TF: variants seen among roughly 807,000 people sequenced by gnomAD.
TF encodes serotransferrin.
A neutral mutation model predicts 82.4 loss-of-function variants in TF; 55 were observed. That is an observed-to-expected ratio of 0.67 (90% CI 0.54 to 0.84). TF has a LOEUF of 0.84. TF is among the 40% of genes least tolerant of loss of function. TF has a pLI of 0.00. For synonymous variants in TF, 332 were observed against 332.6 expected (o/e 1.00, Z 0.02); for missense variants, 737 against 868.4 (o/e 0.85, Z 1.90).
At chr3:133,749,330 C>G (rs532220944) in intron 2 of TF, among the ~76,000 whole-genome samples, 4 of 152,234 alleles carry the variant, frequency 2.6e-5, no homozygotes. Context: ...CAAAAATGCT[C>G]TTCATTCTTT....
intron 9 of TF, among the ~76,000 whole-genome samples, chr3:133,763,052 T>C (rs1308102100): frequency 6.6e-6 from 1 of 152,218 alleles, no homozygotes; most frequent in African/African-American, 2.4e-5. Context: ...CTCCTACAAC[T>C]ACCTTTACCT....
chr3:133,770,784 C>T, intron 14 of TF: 1 of 614,878 alleles, frequency 1.6e-6, no homozygotes, highest in South Asian at 1.9e-5. Context: ...CTAAATCCTC[C>T]CCAACACACA....
intron 12 of TF, among the ~76,000 whole-genome samples, chr3:133,767,826 A>G (rs1934162566): frequency 6.6e-6 from 1 of 152,192 alleles, no homozygotes; most frequent in Non-Finnish European, 1.5e-5. Flanking sequence ...CCTGAATTGT[A>G]ATGGTCATTA....
At chr3:133,752,775 G>A (rs1367805743) in intron 2 of TF, among the ~76,000 whole-genome samples, 1 of 152,194 alleles carries the variant, frequency 6.6e-6, no homozygotes, top group African/African-American at 2.4e-5. Flanking sequence ...TAACCTTTCT[G>A]TGCCTCATAT....
At chr3:133,756,246 C>G in intron 5 of TF, 36 bp from the exon 6 acceptor site, 1 of 1,611,028 alleles carries the variant, frequency 6.2e-7, no homozygotes, top group South Asian at 1.1e-5. Flanking sequence ...AGGGCCTGCC[C>G]TGCAGGAGCC....
At chr3:133,747,817 G>T (rs543672815) in intron 1 of TF, among the ~76,000 whole-genome samples, 24 of 152,226 alleles carry the variant, frequency 1.6e-4, no homozygotes, top group African/African-American at 5.8e-4. Flanking sequence ...TACTGGCCAA[G>T]AAGGGGTGTA....
rs1934785811 is a variant in TF at position 133,789,879 on chromosome 3, G to GGTT, written c.*11259_*11260insGTT. 1 of 88,982 alleles carries GGTT rather than the reference G, an allele frequency of 1.1e-5. No homozygotes were observed. Among genetic ancestry groups the GGTT allele is most frequent in the African/African-American group, 5.5e-5 (1 of 18,246 alleles). 5.5% of individuals were successfully genotyped at this position (88,982 alleles called of 1,614,324 possible). On this transcript the variant is annotated 3_prime_UTR_variant, in exon 17 of 17. Coordinates refer to ENST00000402696, the MANE Select transcript of TF (RefSeq NM_001063.4). ...GCCAAAACAAAACGATCTCGTTTGC[G>GGTT]TTTTTTTTTTTTTTTTTTTTTTTTT...
chr3:133,771,768 A>G (rs113144079), intron 14 of TF, among the ~76,000 whole-genome samples: 1,525 of 143,156 alleles, frequency 0.011, 46 homozygotes, highest in African/African-American at 0.037. Context: ...AAAAAAAAAG[A>G]ATCAATGGGT....
chr3:133,693,326 G>A, the TF span, among the ~76,000 whole-genome samples: 1 of 151,540 alleles, frequency 6.6e-6, no homozygotes, highest in Admixed American at 6.6e-5. Context: ...GCAAGGAAAG[G>A]GTGACTGGGC....
chr3:133,681,847 GAGT>G, the TF span, among the ~76,000 whole-genome samples: 4 of 152,312 alleles, frequency 2.6e-5, no homozygotes, highest in Non-Finnish European at 5.9e-5. Context: ...GCTTTGAAGA[GAGT>G]AGTGGTTCTC....
chr3:133,699,418 A>G, the TF span: 1 of 1,164,748 alleles, frequency 8.6e-7, no homozygotes, highest in Non-Finnish European at 1.2e-6. Flanking sequence ...CTCCTGCGTT[A>G]GGCTCACCTG....
chr3:133,721,328 T>G, the TF span, among the ~76,000 whole-genome samples: 75 of 152,342 alleles, frequency 4.9e-4, no homozygotes, highest in African/African-American at 1.7e-3. Context: ...TAAATTTTCC[T>G]TTTTAATTTC....
chr3:133,691,634 C>T, the TF span: 3 of 152,736 alleles, frequency 2.0e-5, no homozygotes, highest in African/African-American at 7.2e-5. Context: ...ATGCAAGTGT[C>T]TATTGAGCAA....
At chr3:133,703,363 G>A in the TF span, among the ~76,000 whole-genome samples, 1 of 152,106 alleles carries the variant, frequency 6.6e-6, no homozygotes. Flanking sequence ...CGTGCTTTAG[G>A]GTAGACAGAT....
Position 133,779,511 on chromosome 3 carries a change from T to G in TF, c.*891T>G, listed in dbSNP as rs1205049674. The G allele has an allele frequency of 6.6e-6, 1 of 152,346 alleles. No homozygotes were observed. Among genetic ancestry groups the G allele is most frequent in the Non-Finnish European group, 1.5e-5 (1 of 68,142 alleles). The allele number at this position is 152,346 out of a possible 1,614,324, so 9.4% of individuals were successfully genotyped here. ...TTGGAACTCTTTTCCTCAGTTTCTC[T>G]GACATGGCAGGTCTCTGCTTTGATT... On this transcript the variant is annotated 3_prime_UTR_variant, in exon 17 of 17. Coordinates refer to ENST00000402696, the MANE Select transcript of TF (RefSeq NM_001063.4).
At chr3:133,694,631 G>C in the TF span, among the ~76,000 whole-genome samples, 2 of 152,230 alleles carry the variant, frequency 1.3e-5, no homozygotes, top group East Asian at 3.9e-4. Flanking sequence ...AGGACTCTGA[G>C]ATCTACAGAC....
rs919507173 is a variant in TF, at chr3:133,788,360, G to C, written c.*9740G>C. The C allele has an allele frequency of 8.5e-5, 13 of 152,224 alleles. No homozygotes were observed. The highest frequency in any genetic ancestry group is 5.9e-4 in the Admixed American group (9 of 15,276). The allele number at this position is 152,224 out of a possible 1,614,324, so 9.4% of individuals were successfully genotyped here. On this transcript the variant is annotated 3_prime_UTR_variant, in exon 17 of 17. Transcript: ENST00000402696. ...ATACCAAGTAACCAATGGAAACCTT[G>C]AGAGGGTATTTAAACCCGAGAAAAT... is the stretch of plus-strand genomic sequence containing the variant.
At chr3:133,716,643 C>T in the TF span, among the ~76,000 whole-genome samples, 1 of 152,134 alleles carries the variant, frequency 6.6e-6, no homozygotes, top group Non-Finnish European at 1.5e-5. Flanking sequence ...TCTGTCTTGT[C>T]CCACTCTCCT....
chr3:133,713,050 G>A, the TF span, among the ~76,000 whole-genome samples: 23 of 152,286 alleles, frequency 1.5e-4, no homozygotes, highest in African/African-American at 5.3e-4. Context: ...GAATGATGGC[G>A]GCAGAGTCAC....
Sources: gnomAD v4.1 joint callset for allele counts (sites outside exome capture counted in the v4.1 genomes callset) on GRCh38, gnomAD v4.1.1 for gene constraint, MANE v1.5 for transcripts, NCBI Gene and HGNC (gene_info 2026-07-23, HGNC 2026-07-21) for gene names.